The following SPOCK3 variants were observed in gnomAD, a reference collection of about 807,000 sequenced individuals.
SPOCK3 encodes testican-3.
A neutral mutation model predicts 56.6 loss-of-function variants in SPOCK3; 30 were observed. The ratio of observed to expected loss-of-function variants is 0.53; its 90% confidence interval spans 0.40 to 0.72. The LOEUF (loss-of-function observed/expected upper bound fraction) is 0.72, where lower values mean the gene tolerates loss of function less well. Among genes scored for constraint, SPOCK3 ranks in the 30% least tolerant of loss-of-function variants. SPOCK3 has a pLI of 0.00. For missense variants in SPOCK3, 527 were observed against 530.0 expected, an observed-to-expected ratio of 0.99 and a Z score of 0.06; for synonymous variants, 196 against 183.3, an observed-to-expected ratio of 1.07 and a Z score of -0.56.
chr4:166,766,491 T>C (rs1738073773), intron 7 of SPOCK3, among the ~76,000 whole-genome samples: 2 of 152,226 alleles, frequency 1.3e-5, no homozygotes, highest in South Asian at 4.1e-4. Context: ...GGATTACATT[T>C]AATGATTTGC....
chr4:166,833,265 T>A (rs1746271552), intron 6 of SPOCK3, among the ~76,000 whole-genome samples: 1 of 152,176 alleles, frequency 6.6e-6, no homozygotes, highest in South Asian at 2.1e-4. Flanking sequence ...ATGATCCAGA[T>A]ATGGGTTACT....
chr4:167,136,275 T>C (rs1423744274), intron 2 of SPOCK3, among the ~76,000 whole-genome samples: 5 of 152,110 alleles, frequency 3.3e-5, no homozygotes, highest in African/African-American at 9.7e-5. Flanking sequence ...TAAGTGTGTG[T>C]GAGTGTGTGT....
chr4:166,839,076 G>T (rs1319179923), intron 6 of SPOCK3, among the ~76,000 whole-genome samples: 1 of 152,106 alleles, frequency 6.6e-6, no homozygotes, highest in African/African-American at 2.4e-5. Flanking sequence ...ATGATGAGCA[G>T]CTTCCTACTG....
At chr4:167,212,761 C>G (rs1037864778) in intron 2 of SPOCK3, among the ~76,000 whole-genome samples, 1 of 152,236 alleles carries the variant, frequency 6.6e-6, no homozygotes, top group Admixed American at 6.5e-5. Context: ...ACATTCAATT[C>G]AAAATACATT....
chr4:166,870,218 T>C (rs992054101), intron 6 of SPOCK3, among the ~76,000 whole-genome samples: 1 of 152,130 alleles, frequency 6.6e-6, no homozygotes, highest in Non-Finnish European at 1.5e-5. Context: ...ACAGCTGAGA[T>C]CAGCTTAGTT....
chr4:166,813,637 A>C (rs1744076531), intron 6 of SPOCK3, among the ~76,000 whole-genome samples: 1 of 151,920 alleles, frequency 6.6e-6, no homozygotes, highest in African/African-American at 2.4e-5. Flanking sequence ...ATAATTAGAT[A>C]TCAATTAAAT....
At chr4:167,195,903 G>T (rs768748415) in intron 2 of SPOCK3, among the ~76,000 whole-genome samples, 1 of 152,134 alleles carries the variant, frequency 6.6e-6, no homozygotes, top group Non-Finnish European at 1.5e-5. Context: ...GTGAATGGCT[G>T]CCAAGTTACT....
At chr4:166,953,536 A>G (rs1028204327) in intron 4 of SPOCK3, among the ~76,000 whole-genome samples, 1 of 152,062 alleles carries the variant, frequency 6.6e-6, no homozygotes, top group Admixed American at 6.6e-5. Flanking sequence ...GTGATTCCTC[A>G]GGGATCTAGA....
intron 3 of SPOCK3, chr4:167,011,308 A>C (rs570617984): frequency 1.3e-5 from 6 of 456,022 alleles, no homozygotes; most frequent in South Asian, 9.3e-5. Flanking sequence ...GAGAGCTGGA[A>C]ATGTCATCAG....
chr4:166,835,739 T>A (rs548451074), intron 6 of SPOCK3, among the ~76,000 whole-genome samples: 3 of 152,176 alleles, frequency 2.0e-5, no homozygotes. Context: ...CCGGGCATGG[T>A]GGCTCACGCC....
chr4:167,168,814 C>T (rs534242700), intron 2 of SPOCK3, among the ~76,000 whole-genome samples: 11 of 152,206 alleles, frequency 7.2e-5, no homozygotes, highest in African/African-American at 1.4e-4. Flanking sequence ...CAGCCCCTCC[C>T]GCCACAGGCC....
chr4:167,229,756 A>C (rs1736968895), intron 2 of SPOCK3, among the ~76,000 whole-genome samples: 1 of 152,136 alleles, frequency 6.6e-6, no homozygotes, highest in East Asian at 1.9e-4. Flanking sequence ...AATATTCTAC[A>C]TGTTCTTTAG....
chr4:167,180,383 T>C (rs1282715996), intron 2 of SPOCK3, among the ~76,000 whole-genome samples: 2 of 152,128 alleles, frequency 1.3e-5, no homozygotes, highest in Non-Finnish European at 2.9e-5. Flanking sequence ...GCGGCTGTCA[T>C]GGTCAGGACA....
chr4:167,109,007 T>A (rs1219041241), intron 2 of SPOCK3, among the ~76,000 whole-genome samples: 2 of 89,112 alleles, frequency 2.2e-5, no homozygotes, highest in African/African-American at 5.1e-5. Context: ...TATATATAAA[T>A]ATATACTTAT....
At chr4:166,822,966 C>T (rs965816339) in intron 6 of SPOCK3, among the ~76,000 whole-genome samples, 1 of 151,896 alleles carries the variant, frequency 6.6e-6, no homozygotes, top group African/African-American at 2.4e-5. Flanking sequence ...ATAAGTTTAT[C>T]TTGGCTAACA....
intron 2 of SPOCK3, among the ~76,000 whole-genome samples, chr4:167,156,879 A>G (rs1331700633): frequency 1.3e-5 from 2 of 152,288 alleles, no homozygotes; most frequent in Middle Eastern, 6.8e-3. Flanking sequence ...ACAATTACTT[A>G]AACTGGAATT....
chr4:166,746,398 G>A (rs867491640), intron 8 of SPOCK3, among the ~76,000 whole-genome samples: 12 of 152,116 alleles, frequency 7.9e-5, no homozygotes, highest in South Asian at 2.1e-4. Context: ...GGTACATAAC[G>A]AAATGAAGGC....
chr4:166,832,275 G>A (rs1170051713), intron 6 of SPOCK3, among the ~76,000 whole-genome samples: 2 of 151,922 alleles, frequency 1.3e-5, no homozygotes, highest in African/African-American at 4.8e-5. Context: ...TGAAAGGTAG[G>A]AGTCCAGTTT....
intron 4 of SPOCK3, among the ~76,000 whole-genome samples, chr4:166,972,943 A>T (rs1291322588): frequency 6.6e-5 from 10 of 152,138 alleles, no homozygotes; most frequent in African/African-American, 2.4e-4. Context: ...CTCATTTTAA[A>T]CTACAAACAA....
Sources: gnomAD v4.1 joint callset for allele counts (sites outside exome capture counted in the v4.1 genomes callset) on GRCh38, gnomAD v4.1.1 for gene constraint, MANE v1.5 for transcripts, NCBI Gene and HGNC (gene_info 2026-07-23, HGNC 2026-07-21) for gene names.